The following TOP1MT variants were observed in gnomAD, a reference collection of about 807,000 sequenced individuals.
The protein encoded by TOP1MT is DNA topoisomerase I, mitochondrial.
TOP1MT carries 80 observed loss-of-function variants against 73.9 expected under a neutral mutation model. That is an observed-to-expected ratio of 1.08 (90% CI 0.90 to 1.30). The LOEUF (loss-of-function observed/expected upper bound fraction) is 1.30, where lower values mean the gene tolerates loss of function less well. Ranked by LOEUF, TOP1MT falls within the 50% of genes most tolerant of loss-of-function variation. The probability of loss-of-function intolerance (pLI) is 0.00; values close to 1 mark genes in which losing one functional copy is unlikely to be tolerated. For synonymous variants in TOP1MT, 338 were observed against 326.4 expected, an observed-to-expected ratio of 1.04 and a Z score of -0.38; for missense variants, 815 against 808.0, an observed-to-expected ratio of 1.01 and a Z score of -0.10.
In TOP1MT at chr8:143,322,834, G is replaced by GC. The variant is rs2130141310; in HGVS notation, c.960+1164dup. Among the ~76,000 whole-genome samples, 2 of 25,242 alleles carry GC rather than the reference G, an allele frequency of 7.9e-5. 1 individual carries two copies. Among genetic ancestry groups the GC allele is most frequent in the African/African-American group, 1.9e-4 (2 of 10,602 alleles). The allele number at this position is 25,242 out of a possible 152,430, so 16.6% of individuals were successfully genotyped here. ...TGCCACACACAGGCACGCCACACAC[G>GC]CACACCACACACGCACGCAACACAC... On this transcript the variant is annotated intron_variant, in intron 7 of 13. Transcript: ENST00000329245.
At chr8:143,314,071 G>A (rs1228837559) in intron 12 of TOP1MT, among the ~76,000 whole-genome samples, 2 of 151,974 alleles carry the variant, frequency 1.3e-5, no homozygotes, top group South Asian at 2.1e-4. Context: ...GGCTCTAATC[G>A]ACACATGGAA....
chr8:143,334,848 C>A lies in TOP1MT; in HGVS notation c.14G>T (p.Arg5Leu). Residue 5 changes from arginine (R) to leucine (L), a missense_variant, in exon 1 of 14, where the codon CGG becomes CTG. Transcript: ENST00000329245. ...CAGAGCCGCCCGGAGCCGCAGCAGC[C>A]GCACCACGCGCATCTGCCAGCCTCC... MRVV[R>L]LLRLRAALTL... 6.6e-7 allele frequency: 1 copy of A among 1,506,514 alleles called. No homozygotes were observed. The highest frequency in any genetic ancestry group is 8.8e-7 in the Non-Finnish European group (1 of 1,136,914). The allele number at this position is 1,506,514 out of a possible 1,614,324, so 93.3% of individuals were successfully genotyped here.
intron 13 of TOP1MT, 144 bp downstream of exon 13, chr8:143,309,924 T>G: frequency 6.3e-7 from 1 of 1,592,216 alleles, no homozygotes; most frequent in Non-Finnish European, 8.5e-7. Context: ...GGACTCAGCA[T>G]CATGGGTCCC....
At chr8:143,322,542 CCA>C (rs796176362) in intron 7 of TOP1MT, among the ~76,000 whole-genome samples, 45 of 109,880 alleles carry the variant, frequency 4.1e-4, no homozygotes, top group Middle Eastern at 5.6e-3. Context: ...AAGATGCACG[CCA>C]CACACACGCA....
Position 143,321,392 on chromosome 8 carries a change from T to C in TOP1MT, c.961-6A>G. On this transcript the variant is annotated splice_polypyrimidine_tract_variant and splice_region_variant and intron_variant, in intron 7 of 13. Coordinates refer to ENST00000329245, the MANE Select transcript of TOP1MT (RefSeq NM_052963.3). ...TTTCCTGCTCTCAGTGCCAGCTAGT[T>C]GGTGGGGAATGGTCAAAGTGGGTGG... 2 of 1,572,308 alleles carry C rather than the reference T, an allele frequency of 1.3e-6. No homozygotes were observed. Among genetic ancestry groups the C allele is most frequent in the Non-Finnish European group, 8.7e-7 (1 of 1,152,936 alleles).
At chr8:143,346,438 A>AT (rs916867929), upstream of TOP1MT, among the ~76,000 whole-genome samples, 52 of 152,280 alleles carry the variant, frequency 3.4e-4, no homozygotes, top group Non-Finnish European at 6.9e-4. Flanking sequence ...TCACAAAATG[A>AT]TTTTTTAAAA....
chr8:143,326,491 G>A (rs1041478775), intron 3 of TOP1MT, 147 bp from the exon 4 acceptor site: 9 of 1,052,202 alleles, frequency 8.6e-6, no homozygotes, highest in Non-Finnish European at 1.3e-5. Flanking sequence ...ACGGTCCTGC[G>A]GCCCCGTAAA....
chr8:143,357,379 C>T (rs1817429197), upstream of TOP1MT, among the ~76,000 whole-genome samples: 3 of 150,554 alleles, frequency 2.0e-5, no homozygotes, highest in South Asian at 6.3e-4. Context: ...CACTGCACTC[C>T]TGGGCGACAG....
chr8:143,317,985 C>T (rs375582080), intron 9 of TOP1MT, 33 bp downstream of exon 9: 110 of 1,612,402 alleles, frequency 6.8e-5, no homozygotes, highest in Non-Finnish European at 8.9e-5. Flanking sequence ...GTCCTGCCGC[C>T]GCCCACTGCT....
At chr8:143,359,520 C>G, upstream of TOP1MT, 1 of 787,544 alleles carries the variant, frequency 1.3e-6, no homozygotes, top group Non-Finnish European at 1.5e-6. Context: ...AAGTCAGGAG[C>G]CAAGGGAGCG....
At chr8:143,336,803 T>TGA (rs1336435329), upstream of TOP1MT, among the ~76,000 whole-genome samples, 1 of 151,934 alleles carries the variant, frequency 6.6e-6, no homozygotes, top group Non-Finnish European at 1.5e-5. Context: ...GGCAACATAG[T>TGA]GAGACCCTAT....
intron 8 of TOP1MT, 85 bp from the exon 9 acceptor site, chr8:143,318,171 G>A: frequency 7.7e-7 from 1 of 1,292,308 alleles, no homozygotes; most frequent in Non-Finnish European, 1.1e-6. Flanking sequence ...GAGCCTGGGA[G>A]CCCACGGGAG....
At chr8:143,321,897 ACGC>A (rs1563758485) in intron 7 of TOP1MT, among the ~76,000 whole-genome samples, 2 of 109,614 alleles carry the variant, frequency 1.8e-5, no homozygotes, top group African/African-American at 7.1e-5. Flanking sequence ...ACACACAGGC[ACGC>A]CACACACACA....
At chr8:143,321,898 C>T (rs1461865306) in intron 7 of TOP1MT, among the ~76,000 whole-genome samples, 48 of 87,670 alleles carry the variant, frequency 5.5e-4, no homozygotes, top group Admixed American at 8.7e-4. Flanking sequence ...CACACAGGCA[C>T]GCCACACACA....
Position 143,342,576 on chromosome 8 carries a change from GTTA to G in TOP1MT, c.29+641_29+643del, listed in dbSNP as rs970165088. 6.6e-4 allele frequency among the ~76,000 whole-genome samples: 62 copies of G among 94,294 alleles called. 2 individuals carry two copies. The highest frequency in any genetic ancestry group is 3.4e-3 in the African/African-American group (54 of 15,912). 61.9% of individuals were successfully genotyped at this position (94,294 alleles called of 152,430 possible). ...ATTATTAGAGACAGAGTCTCGCTCT[GTTA>G]TTATTATTATTAGAGACAGAGTCTC... On this transcript the variant is annotated intron_variant, in intron 2 of 5. Transcript: ENST00000518007.
Position 143,341,811 on chromosome 8 carries a change from T to C in TOP1MT, c.29+1409A>G, listed in dbSNP as rs1817087525. Among the ~76,000 whole-genome samples the C allele has an allele frequency of 6.6e-6, 1 of 151,724 alleles. No individual in the cohort carries two copies. The highest frequency in any genetic ancestry group is 2.1e-4 in the South Asian group (1 of 4,822). ...ATCCCGACACCACTGCCCCATCTAGTGCTTCCTTCTTCCTTCTTCTTCCTC... is the reference window on the plus strand; with the variant it reads ...ATCCCGACACCACTGCCCCATCTAGCGCTTCCTTCTTCCTTCTTCTTCCTC... On this transcript the variant is annotated intron_variant, in intron 2 of 5. Transcript: ENST00000518007. The surrounding 1 kb of genome is among the most constrained non-coding windows in gnomAD (Gnocchi z 4.1).
intron 2 of TOP1MT, among the ~76,000 whole-genome samples, chr8:143,342,751 TTATTATTAGAGACAGAGTCTTGCTC>T (rs1186705661): frequency 0.011 from 1,350 of 121,604 alleles, 40 homozygotes; most frequent in Non-Finnish European, 0.013. Context: ...CGCTCTGTTA[TTATTATTAGAGACAGAGTCTTGCTC>T]TATTATTATT....
At chr8:143,311,052 G>T (rs901224205) in intron 12 of TOP1MT, among the ~76,000 whole-genome samples, 1 of 148,088 alleles carries the variant, frequency 6.8e-6, no homozygotes, top group African/African-American at 2.5e-5. Flanking sequence ...TCTGCCTCCC[G>T]GGTTCAAGTG....
At chr8:143,315,862 C>G in intron 11 of TOP1MT, 41 bp from the exon 12 acceptor site, 22 of 1,606,352 alleles carry the variant, frequency 1.4e-5, no homozygotes, top group Non-Finnish European at 1.9e-5. Flanking sequence ...CCTCCCCATC[C>G]CGCACCAGCC....
Sources: allele counts gnomAD v4.1 joint callset (sites outside exome capture counted in the v4.1 genomes callset), GRCh38; gene constraint gnomAD v4.1.1; non-coding constraint Gnocchi (gnomAD v3.1); transcripts MANE v1.5; gene names NCBI Gene and HGNC (gene_info 2026-07-23, HGNC 2026-07-21).